TMPRSS7: variants seen among roughly 807,000 people sequenced by gnomAD.
TMPRSS7 encodes the protein transmembrane protease serine 7.
A neutral mutation model predicts 95.6 loss-of-function variants in TMPRSS7; 81 were observed. The ratio of observed to expected loss-of-function variants is 0.85; its 90% CI spans 0.71 to 1.02. The LOEUF (loss-of-function observed/expected upper bound fraction) is 1.02. Ranked by LOEUF, TMPRSS7 falls within the 50% of genes least tolerant of loss-of-function variation. TMPRSS7 has a pLI of 0.00. For synonymous variants in TMPRSS7, 364 were observed against 337.8 expected (o/e 1.08, Z -0.85); for missense variants, 945 against 955.2 (o/e 0.99, Z 0.14).
chr3:112,046,024 T>C, intron 5 of TMPRSS7, 81 bp downstream of exon 5: 2 of 1,240,748 alleles, frequency 1.6e-6, no homozygotes, highest in Non-Finnish European at 2.2e-6. Context: ...AACATTGTAA[T>C]GAAGCATTAC....
Position 112,063,506 on chromosome 3 carries a change from GA to G in TMPRSS7, c.1448-18del. The G allele has an allele frequency of 6.3e-7, 1 of 1,594,780 alleles. No homozygotes were observed. The highest frequency in any genetic ancestry group is 8.6e-7 in the Non-Finnish European group (1 of 1,165,426). ...ATCTATCCAAGATTTTCTATTTTTT[GA>G]TTTTTTGTTGCCCATAGCCTGCCCT... is the stretch of plus-strand genomic sequence containing the variant. On this transcript the variant is annotated intron_variant, in intron 11 of 17. Coordinates refer to ENST00000452346, the Ensembl canonical transcript of TMPRSS7.
At chr3:112,066,498 T>C in exon 13 of TMPRSS7, 11 of 1,613,562 alleles carry the variant, frequency 6.8e-6, no homozygotes, top group Non-Finnish European at 9.3e-6. Context: ...AAAACTGCAC[T>C]CAAAGTGAGG....
In TMPRSS7 at chr3:112,066,516, C is replaced by T; in HGVS notation, c.1666+14C>T. 6.2e-7 allele frequency: 1 copy of T among 1,606,674 alleles called. No homozygotes were observed. The highest frequency in any genetic ancestry group is 8.5e-7 in the Non-Finnish European group (1 of 1,173,840). ...ACTGCACTCAAAGTGAGGGAGAGTC[C>T]TCTGTGCCCTGCTGTTCCTCCTATG... On this transcript the variant is annotated intron_variant, in intron 13 of 17. Transcript: ENST00000452346.
chr3:112,037,893 T>A (rs2073163503), intron 1 of TMPRSS7, among the ~76,000 whole-genome samples, 179 bp from the exon 2 acceptor site: 1 of 152,226 alleles, frequency 6.6e-6, no homozygotes, highest in Non-Finnish European at 1.5e-5. Context: ...CTTAATTTTG[T>A]GACTTGGTGC....
At chr3:112,072,144 C>T (rs181895220) in intron 13 of TMPRSS7, among the ~76,000 whole-genome samples, 1 of 150,098 alleles carries the variant, frequency 6.7e-6, no homozygotes, top group African/African-American at 2.5e-5. Context: ...GTAGATGTCC[C>T]TTTTGTTGAT....
At chr3:112,044,143 A>T in intron 3 of TMPRSS7, 112 bp from the exon 4 acceptor site, 2 of 688,994 alleles carry the variant, frequency 2.9e-6, no homozygotes, top group Middle Eastern at 7.2e-4. Context: ...CTTTATTTTG[A>T]GGCTTGCATT....
intron 2 of TMPRSS7, 41 bp from the exon 3 acceptor site, chr3:112,041,879 G>A: frequency 1.5e-6 from 2 of 1,348,202 alleles, no homozygotes; most frequent in Non-Finnish European, 2.1e-6. Context: ...CTGCCACACA[G>A]ATGGGAAAGC....
intron 13 of TMPRSS7, among the ~76,000 whole-genome samples, chr3:112,072,372 G>A (rs969735268): frequency 2.0e-5 from 3 of 152,212 alleles, no homozygotes; most frequent in Non-Finnish European, 4.4e-5. Flanking sequence ...CCTATATGAG[G>A]TGTCTCTTGG....
intron 10 of TMPRSS7, among the ~76,000 whole-genome samples, chr3:112,060,366 T>G (rs1360848246): frequency 5.3e-5 from 8 of 152,108 alleles, no homozygotes; most frequent in Non-Finnish European, 1.2e-4. Context: ...AGGCGGGAAT[T>G]TCCTCGTCCT....
intron 13 of TMPRSS7, among the ~76,000 whole-genome samples, chr3:112,074,038 C>T (rs2073683719): frequency 6.6e-6 from 1 of 152,184 alleles, no homozygotes; most frequent in African/African-American, 2.4e-5. Context: ...CATGTCTCAC[C>T]TGCTATGGGA....
At chr3:112,081,039 A>C in exon 18 of TMPRSS7, 1 of 1,613,076 alleles carries the variant, frequency 6.2e-7, no homozygotes, top group Non-Finnish European at 8.5e-7. Context: ...CAAGGGTGTC[A>C]AACTTTGTTC....
intron 13 of TMPRSS7, among the ~76,000 whole-genome samples, chr3:112,073,725 C>G (rs527588385): frequency 2.6e-5 from 4 of 152,248 alleles, no homozygotes; most frequent in African/African-American, 9.6e-5. Flanking sequence ...TTTTGTAATA[C>G]TGGCAGTTTC....
chr3:112,050,615 AT>A (rs2073334768), intron 8 of TMPRSS7, 55 bp from the exon 9 acceptor site: 1 of 929,962 alleles, frequency 1.1e-6, no homozygotes, highest in South Asian at 1.9e-5. Context: ...TATGAAGTGT[AT>A]TTTCCATAAT....
At chr3:112,063,029 A>G (rs1315381112) in intron 11 of TMPRSS7, among the ~76,000 whole-genome samples, 1 of 152,196 alleles carries the variant, frequency 6.6e-6, no homozygotes, top group Non-Finnish European at 1.5e-5. Flanking sequence ...TGATAAGAGC[A>G]GTGGTTACTA....
intron 1 of TMPRSS7, 58 bp from the exon 2 acceptor site, chr3:112,038,014 T>C: frequency 1.5e-6 from 1 of 683,854 alleles, no homozygotes; most frequent in South Asian, 1.6e-5. Context: ...CTGGGTAGTT[T>C]CATTTAAGAT....
intron 4 of TMPRSS7, among the ~76,000 whole-genome samples, chr3:112,045,169 A>T (rs1402998192): frequency 6.6e-6 from 1 of 152,116 alleles, no homozygotes; most frequent in Non-Finnish European, 1.5e-5. Flanking sequence ...CTTTTTTGAG[A>T]CAGAGTCTCG....
chr3:112,041,824 A>G, intron 2 of TMPRSS7, 96 bp from the exon 3 acceptor site: 1 of 797,896 alleles, frequency 1.3e-6, no homozygotes, highest in South Asian at 1.7e-5. Flanking sequence ...CTAAAATAAA[A>G]TTATTTTAGG....
At chr3:112,079,278 A>G (rs1279365294) in intron 17 of TMPRSS7, among the ~76,000 whole-genome samples, 3 of 152,234 alleles carry the variant, frequency 2.0e-5, no homozygotes, top group Admixed American at 6.5e-5. Flanking sequence ...GAGAGGTGAC[A>G]AAGAATACTC....
chr3:112,044,506 T>G (rs114364446), intron 4 of TMPRSS7, among the ~76,000 whole-genome samples, 184 bp downstream of exon 4: 17 of 152,306 alleles, frequency 1.1e-4, no homozygotes, highest in African/African-American at 4.1e-4. Context: ...TTTTTGCTCT[T>G]TATCCACCAA....
Sources: gnomAD v4.1 joint callset for allele counts (sites outside exome capture counted in the v4.1 genomes callset) on GRCh38, gnomAD v4.1.1 for gene constraint, MANE v1.5 for transcripts, NCBI Gene and HGNC (gene_info 2026-07-23, HGNC 2026-07-21) for gene names.